Variants in HS6ST3 observed in about 807,000 individuals in gnomAD.
The protein encoded by HS6ST3 is heparan sulfate 6-O-sulfotransferase 3.
In HS6ST3, 12 loss-of-function variants were observed where a neutral mutation model predicts 36.7. The observed-to-expected ratio is 0.33, with a 90% CI of 0.21 to 0.53. The LOEUF is 0.53. Among genes scored for constraint, HS6ST3 ranks in the 20% least tolerant of loss-of-function variants. The pLI is 0.95. For synonymous variants in HS6ST3, 240 were observed against 257.5 expected, an observed-to-expected ratio of 0.93 and a Z score of 0.65; for missense variants, 584 against 640.9, an observed-to-expected ratio of 0.91 and a Z score of 0.96.
Position 96,748,625 on chromosome 13 carries a change from G to T in HS6ST3, c.708-83865G>T, listed in dbSNP as rs539303801. ...TACTTTTCCATAAATGTTTTGCCTG[G>T]TCTCACCCACTACAATGTAAATGTT... On this transcript the variant is annotated intron_variant, in intron 1 of 1. Transcript: ENST00000376705. 3.3e-5 allele frequency among the ~76,000 whole-genome samples: 5 copies of T among 151,906 alleles called. No individual in the cohort carries two copies. The East Asian group carries it at 9.7e-4, about 30-fold the overall frequency.
At chr13:96,273,959 TCCTC>T (rs1298299529) in intron 1 of HS6ST3, among the ~76,000 whole-genome samples, 9 of 90,432 alleles carry the variant, frequency 1.0e-4, no homozygotes, top group East Asian at 8.1e-4. Flanking sequence ...CTTCCTTCCT[TCCTC>T]CCTCCCTCCC....
chr13:96,704,718 G>A lies in HS6ST3; in HGVS notation c.708-127772G>A, dbSNP rs145441084. On this transcript the variant is annotated intron_variant, in intron 1 of 1. Coordinates refer to ENST00000376705, the MANE Select transcript of HS6ST3 (RefSeq NM_153456.4). ...GGATGAAAACTATAAAAACTGGAACGCCAGGTGGCAGGGAGACTGACTCAG... is the reference window on the plus strand; with the variant it reads ...GGATGAAAACTATAAAAACTGGAACACCAGGTGGCAGGGAGACTGACTCAG... Among the ~76,000 whole-genome samples the A allele has an allele frequency of 9.1e-3, 1,389 of 152,160 alleles. 19 individuals are homozygous for A. The highest frequency in any genetic ancestry group is 0.031 in the African/African-American group (1,277 of 41,512).
At chr13:96,802,915 C>G in intron 1 of HS6ST3, among the ~76,000 whole-genome samples, 1 of 152,184 alleles carries the variant, frequency 6.6e-6, no homozygotes, top group Non-Finnish European at 1.5e-5. Context: ...CCTTATCAAT[C>G]TGCATATTCA....
intron 1 of HS6ST3, among the ~76,000 whole-genome samples, chr13:96,641,423 T>C (rs2056569806): frequency 6.6e-6 from 1 of 151,982 alleles, no homozygotes; most frequent in Admixed American, 6.6e-5. Context: ...CTTCTGGCTT[T>C]CAGGGTTTTA....
chr13:96,486,071 G>A (rs1221240045), intron 1 of HS6ST3, among the ~76,000 whole-genome samples: 1 of 135,888 alleles, frequency 7.4e-6, no homozygotes, highest in Non-Finnish European at 1.5e-5. Context: ...GTGTCCATGT[G>A]TTCTCGTTGT....
chr13:96,742,721 T>C (rs1876470833), intron 1 of HS6ST3, among the ~76,000 whole-genome samples: 1 of 152,174 alleles, frequency 6.6e-6, no homozygotes, highest in Admixed American at 6.6e-5. Flanking sequence ...AGTTTATTTC[T>C]ATAAAATAGA....
intron 1 of HS6ST3, among the ~76,000 whole-genome samples, chr13:96,477,475 G>C (rs1163719286): frequency 6.6e-6 from 1 of 152,178 alleles, no homozygotes; most frequent in East Asian, 1.9e-4. Context: ...CTTAGTGTAA[G>C]AGAACTGGCA....
chr13:96,630,421 G>T (rs887039292), intron 1 of HS6ST3, among the ~76,000 whole-genome samples: 1 of 151,920 alleles, frequency 6.6e-6, no homozygotes, highest in African/African-American at 2.4e-5. Flanking sequence ...CATGAATGTG[G>T]GTCACAAATT....
At chr13:96,527,815 G>A (rs552660611) in intron 1 of HS6ST3, among the ~76,000 whole-genome samples, 4 of 152,224 alleles carry the variant, frequency 2.6e-5, no homozygotes, top group Admixed American at 1.3e-4. Flanking sequence ...GGCTAAGTAG[G>A]TAGCATTGTT....
At chr13:96,520,753 C>T (rs191912528) in intron 1 of HS6ST3, among the ~76,000 whole-genome samples, 4 of 152,262 alleles carry the variant, frequency 2.6e-5, no homozygotes, top group South Asian at 2.1e-4. Flanking sequence ...TGGGCTGAGA[C>T]GATGGGGTTT....
chr13:96,402,737 T>C (rs2055457948), intron 1 of HS6ST3, among the ~76,000 whole-genome samples: 1 of 152,242 alleles, frequency 6.6e-6, no homozygotes, highest in Non-Finnish European at 1.5e-5. Context: ...CTCATGTGGT[T>C]GTGTCAGTAG....
intron 1 of HS6ST3, among the ~76,000 whole-genome samples, chr13:96,757,231 C>G (rs1876854038): frequency 6.6e-6 from 1 of 152,164 alleles, no homozygotes; most frequent in South Asian, 2.1e-4. Context: ...GTAATGTAAT[C>G]AAGGGTGGCA....
intron 1 of HS6ST3, among the ~76,000 whole-genome samples, chr13:96,227,320 A>G (rs1357009771): frequency 2.0e-5 from 3 of 152,222 alleles, no homozygotes; most frequent in African/African-American, 4.8e-5. Flanking sequence ...ATTTTGATAA[A>G]TGGTCCTAAT....
chr13:96,497,445 A>C (rs1305575795), intron 1 of HS6ST3, among the ~76,000 whole-genome samples: 1 of 152,128 alleles, frequency 6.6e-6, no homozygotes, highest in Non-Finnish European at 1.5e-5. Flanking sequence ...TATTAGTTTA[A>C]AGTACTTCCT....
At chr13:96,212,104 G>A (rs547830858) in intron 1 of HS6ST3, among the ~76,000 whole-genome samples, 1 of 152,248 alleles carries the variant, frequency 6.6e-6, no homozygotes, top group East Asian at 1.9e-4. Context: ...CATATTAATA[G>A]GAAAATATCT....
intron 1 of HS6ST3, 63 bp downstream of exon 1, chr13:96,091,632 G>A: frequency 2.1e-6 from 3 of 1,423,480 alleles, no homozygotes; most frequent in East Asian, 2.6e-5. Flanking sequence ...CCTCAGTCCT[G>A]ACCCAGAGCG....
chr13:96,550,095 T>C (rs1474646877), intron 1 of HS6ST3, among the ~76,000 whole-genome samples: 1 of 152,210 alleles, frequency 6.6e-6, no homozygotes, highest in Non-Finnish European at 1.5e-5. Flanking sequence ...GCATTATGGA[T>C]GTGGTCTGTT....
chr13:96,094,881 C>T (rs2053782361), intron 1 of HS6ST3, among the ~76,000 whole-genome samples: 1 of 152,044 alleles, frequency 6.6e-6, no homozygotes, highest in Non-Finnish European at 1.5e-5. Flanking sequence ...TGCTTTTCCC[C>T]CTCAGTTATT....
intron 1 of HS6ST3, among the ~76,000 whole-genome samples, chr13:96,101,224 GCAAA>G (rs1473898811): frequency 6.6e-6 from 1 of 152,084 alleles, no homozygotes; most frequent in African/African-American, 2.4e-5. Context: ...CAAGTAGTTT[GCAAA>G]ACTGGCTATA....
Sources: gnomAD v4.1 joint callset for allele counts (sites outside exome capture counted in the v4.1 genomes callset) on GRCh38, gnomAD v4.1.1 for gene constraint, MANE v1.5 for transcripts, NCBI Gene and HGNC (gene_info 2026-07-23, HGNC 2026-07-21) for gene names.